UNC5C: variants seen among roughly 807,000 people sequenced by gnomAD.
The protein encoded by UNC5C is unc-5 netrin receptor C, also known as netrin receptor UNC5C.
UNC5C carries 47 observed loss-of-function variants against 99.8 expected under a neutral mutation model. That is an observed-to-expected ratio of 0.47 (90% confidence interval 0.37 to 0.60). The LOEUF (loss-of-function observed/expected upper bound fraction) is 0.60. UNC5C is among the 20% of genes least tolerant of loss of function. UNC5C has a pLI of 0.00. For synonymous variants in UNC5C, 487 were observed against 452.2 expected (o/e 1.08, Z -0.98); for missense variants, 1,062 against 1,165.9 (o/e 0.91, Z 1.30).
intron 1 of UNC5C, among the ~76,000 whole-genome samples, chr4:95,368,080 C>T (rs1159904049): frequency 2.6e-5 from 4 of 152,124 alleles, no homozygotes; most frequent in African/African-American, 9.7e-5. Context: ...AGCCTGTTAG[C>T]ATAGCGTATG....
chr4:95,481,682 C>G (rs557424961), intron 1 of UNC5C, among the ~76,000 whole-genome samples: 2 of 152,178 alleles, frequency 1.3e-5, no homozygotes, highest in African/African-American at 4.8e-5. Context: ...TGGAACAGAA[C>G]AGAGCCCTCA....
chr4:95,510,982 G>T (rs1578202034), intron 1 of UNC5C, among the ~76,000 whole-genome samples: 1 of 152,246 alleles, frequency 6.6e-6, no homozygotes, highest in East Asian at 1.9e-4. Flanking sequence ...TGAGAAACGG[G>T]TGGAATGATT....
At chr4:95,480,585 T>C (rs1031542131) in intron 1 of UNC5C, among the ~76,000 whole-genome samples, 1 of 151,964 alleles carries the variant, frequency 6.6e-6, no homozygotes, top group Admixed American at 6.6e-5. Flanking sequence ...ACAATGGAAT[T>C]CGCTGCAACA....
At chr4:95,438,917 C>G (rs905222651) in intron 1 of UNC5C, among the ~76,000 whole-genome samples, 1 of 152,106 alleles carries the variant, frequency 6.6e-6, no homozygotes, top group Non-Finnish European at 1.5e-5. Flanking sequence ...TTCCAGTTAT[C>G]CATAATCATT....
chr4:95,434,406 T>C (rs1746717345), intron 1 of UNC5C, among the ~76,000 whole-genome samples: 1 of 152,058 alleles, frequency 6.6e-6, no homozygotes, highest in African/African-American at 2.4e-5. Context: ...CAGATACATA[T>C]AATACAGTCT....
At chr4:95,439,635 A>G (rs3846456) in intron 1 of UNC5C, among the ~76,000 whole-genome samples, 48,134 of 152,076 alleles carry the variant, frequency 0.32, 8,140 homozygotes, top group African/African-American at 0.43. Context: ...TATAAAAAGC[A>G]TCATTTCCCA....
intron 2 of UNC5C, among the ~76,000 whole-genome samples, chr4:95,321,152 A>G (rs1392004959): frequency 6.6e-6 from 1 of 152,200 alleles, no homozygotes; most frequent in Admixed American, 6.5e-5. Context: ...TCCCCATGGG[A>G]TATAATTAAA....
At chr4:95,457,298 A>G (rs574787480) in intron 1 of UNC5C, among the ~76,000 whole-genome samples, 3 of 152,242 alleles carry the variant, frequency 2.0e-5, no homozygotes, top group Non-Finnish European at 2.9e-5. Flanking sequence ...ACCATTTTTC[A>G]TATAGGGTAC....
intron 3 of UNC5C, among the ~76,000 whole-genome samples, chr4:95,296,124 C>T (rs1741662851): frequency 1.3e-5 from 2 of 152,304 alleles, no homozygotes; most frequent in Non-Finnish European, 2.9e-5. Flanking sequence ...ACCCCACAAA[C>T]TTCTGCAACA....
chr4:95,527,536 T>C (rs1564896), intron 1 of UNC5C, among the ~76,000 whole-genome samples: 52,851 of 151,934 alleles, frequency 0.35, 9,809 homozygotes, highest in East Asian at 0.48. Context: ...ATGGTCTTTA[T>C]GTTGCTATCA....
At chr4:95,338,713 A>T (rs1743441188) in intron 1 of UNC5C, among the ~76,000 whole-genome samples, 1 of 152,072 alleles carries the variant, frequency 6.6e-6, no homozygotes, top group Admixed American at 6.6e-5. Flanking sequence ...GGTCAATAAA[A>T]ATCTTACAAA....
intron 2 of UNC5C, among the ~76,000 whole-genome samples, chr4:95,332,728 A>C (rs1298599734): frequency 1.4e-3 from 207 of 150,114 alleles, no homozygotes; most frequent in African/African-American, 4.8e-3. Context: ...AATGGGATCT[A>C]ATTAAACTAA....
chr4:95,197,403 T>G (rs1737474855), intron 12 of UNC5C, among the ~76,000 whole-genome samples: 1 of 152,094 alleles, frequency 6.6e-6, no homozygotes, highest in African/African-American at 2.4e-5. Flanking sequence ...TATCAAATGC[T>G]GGTAAATGCA....
At chr4:95,190,811 C>G (rs971973429) in intron 12 of UNC5C, among the ~76,000 whole-genome samples, 1 of 152,146 alleles carries the variant, frequency 6.6e-6, no homozygotes, top group African/African-American at 2.4e-5. Flanking sequence ...GGGCCTCTTT[C>G]CCCACTGCGG....
chr4:95,517,695 C>CA (rs1722251965), intron 1 of UNC5C, among the ~76,000 whole-genome samples: 1 of 151,924 alleles, frequency 6.6e-6, no homozygotes, highest in Non-Finnish European at 1.5e-5. Flanking sequence ...GGCACAGTAC[C>CA]AAAAAACGGG....
At chr4:95,355,280 C>T (rs1018959500) in intron 1 of UNC5C, among the ~76,000 whole-genome samples, 1 of 152,138 alleles carries the variant, frequency 6.6e-6, no homozygotes, top group Non-Finnish European at 1.5e-5. Flanking sequence ...GAGATGACCA[C>T]AAGATAAGAT....
intron 10 of UNC5C, among the ~76,000 whole-genome samples, chr4:95,214,214 A>G (rs887742496): frequency 6.6e-6 from 1 of 152,212 alleles, no homozygotes; most frequent in African/African-American, 2.4e-5. Flanking sequence ...TAGTGAAGAG[A>G]AGACTTCTCA....
chr4:95,449,152 C>T (rs1044316553), intron 1 of UNC5C, among the ~76,000 whole-genome samples: 3 of 152,214 alleles, frequency 2.0e-5, no homozygotes, highest in African/African-American at 7.2e-5. Context: ...AGGGAACATC[C>T]ATACCTGGTA....
intron 1 of UNC5C, among the ~76,000 whole-genome samples, chr4:95,507,289 G>C (rs1221058103): frequency 1.3e-5 from 2 of 151,908 alleles, no homozygotes; most frequent in Admixed American, 1.3e-4. Flanking sequence ...ATGAGCTAAT[G>C]AGGCACCATT....
Sources: gnomAD v4.1 joint callset for allele counts (sites outside exome capture counted in the v4.1 genomes callset) on GRCh38, gnomAD v4.1.1 for gene constraint, MANE v1.5 for transcripts, NCBI Gene and HGNC (gene_info 2026-07-23, HGNC 2026-07-21) for gene names.